CEP164: variants seen among roughly 807,000 people sequenced by gnomAD.
The protein encoded by CEP164 is centrosomal protein of 164 kDa.
CEP164 carries 162 observed loss-of-function variants against 182.7 expected under a neutral mutation model. The ratio of observed to expected loss-of-function variants is 0.89; its 90% CI spans 0.78 to 1.01. The LOEUF (loss-of-function observed/expected upper bound fraction) is 1.01, where lower values mean the gene tolerates loss of function less well. CEP164 is among the 50% of genes least tolerant of loss of function. The pLI is 0.00. For synonymous variants in CEP164, 661 were observed against 690.0 expected (o/e 0.96, Z 0.66); for missense variants, 1,735 against 1,790.4 (o/e 0.97, Z 0.56).
intron 3 of CEP164, among the ~76,000 whole-genome samples, chr11:117,340,173 G>T (rs749198193): frequency 7.9e-5 from 12 of 152,030 alleles, no homozygotes; most frequent in Non-Finnish European, 1.6e-4. Context: ...CTACAGATGC[G>T]TGCCACTGTG....
At chr11:117,395,413 A>T in intron 23 of CEP164, 134 bp from the exon 24 acceptor site, 1 of 1,090,474 alleles carries the variant, frequency 9.2e-7, no homozygotes, top group Non-Finnish European at 1.3e-6. Flanking sequence ...TTGACCTCAG[A>T]GGTGGTGACT....
intron 5 of CEP164, among the ~76,000 whole-genome samples, chr11:117,354,748 AT>A (rs1057302291): frequency 2.2e-4 from 33 of 147,962 alleles, no homozygotes; most frequent in Admixed American, 5.4e-4. Flanking sequence ...TTAAATTATT[AT>A]TTTTTTTTGC....
intron 12 of CEP164, 118 bp downstream of exon 12, chr11:117,380,823 A>G (rs900998850): frequency 6.9e-6 from 6 of 875,266 alleles, no homozygotes; most frequent in African/African-American, 1.7e-5. Flanking sequence ...GCAGCAGGTG[A>G]TGAACTGGCT....
At chr11:117,402,752 C>T (rs1307480637) in intron 27 of CEP164, among the ~76,000 whole-genome samples, 1 of 152,152 alleles carries the variant, frequency 6.6e-6, no homozygotes, top group Non-Finnish European at 1.5e-5. Context: ...GAGTTCAAGT[C>T]CTGAATATCC....
intron 10 of CEP164, among the ~76,000 whole-genome samples, chr11:117,375,106 T>C (rs1189404397): frequency 6.6e-6 from 1 of 152,208 alleles, no homozygotes; most frequent in Admixed American, 6.5e-5. Context: ...TGGAACGAGC[T>C]GGAAAGAGCC....
At position 117,411,769 on chromosome 11, in the gene CEP164, C is replaced by T. The variant is rs200646756; in HGVS notation, c.4164-26C>T. 5.7e-4 allele frequency: 913 copies of T among 1,613,522 alleles called. 3 individuals are homozygous for T. Among genetic ancestry groups the T allele is most frequent in the Non-Finnish European group, 6.7e-4 (792 of 1,179,772 alleles). ...CACTTCCGCGCCTCCTCTCTCCCCTCGCCATGCTCTCCTCTTCCTTCCCAG... is the reference window on the plus strand; with the variant it reads ...CACTTCCGCGCCTCCTCTCTCCCCTTGCCATGCTCTCCTCTTCCTTCCCAG... On this transcript the variant is annotated intron_variant, in intron 31 of 32. Transcript: ENST00000278935. This position sits in a 1 kb window ranked among gnomAD's most constrained non-coding sequence, Gnocchi z 4.4.
intron 9 of CEP164, among the ~76,000 whole-genome samples, chr11:117,373,166 C>T (rs575070331): frequency 3.3e-5 from 5 of 151,994 alleles, no homozygotes; most frequent in African/African-American, 1.2e-4. Flanking sequence ...GTCAGGAGTT[C>T]GAGATCACTG....
At chr11:117,369,387 G>A (rs1048400408) in intron 8 of CEP164, among the ~76,000 whole-genome samples, 5 of 152,208 alleles carry the variant, frequency 3.3e-5, no homozygotes, top group African/African-American at 4.8e-5. Context: ...ATCTGTAAGT[G>A]TGGAGCCAAA....
intron 4 of CEP164, among the ~76,000 whole-genome samples, chr11:117,347,492 C>T (rs544879244): frequency 2.6e-5 from 4 of 152,220 alleles, no homozygotes; most frequent in African/African-American, 4.8e-5. Flanking sequence ...GGGCGGATCA[C>T]TTGAGGTTGG....
chr11:117,383,111 A>C (rs1213886821), intron 14 of CEP164, among the ~76,000 whole-genome samples, 169 bp downstream of exon 14: 1 of 152,122 alleles, frequency 6.6e-6, no homozygotes, highest in African/African-American at 2.4e-5. Flanking sequence ...TGAGAGCCCC[A>C]CACAGGCATG....
chr11:117,363,507 GT>G lies in CEP164; in HGVS notation c.765+2del. Reference sequence around the variant, plus strand: ...ACTGGGGGGTGACTTTGAGTATGAGGTAAGAGCCCTAATCCCTACAGGCACA... The same window carrying G: ...ACTGGGGGGTGACTTTGAGTATGAGGAAGAGCCCTAATCCCTACAGGCACA... On this transcript the variant is annotated splice_donor_variant, in intron 8 of 32. Coordinates refer to ENST00000278935, the MANE Select transcript of CEP164 (RefSeq NM_014956.5). LOFTEE classifies it high-confidence loss of function. 1 of 1,610,360 alleles carries G rather than the reference GT, an allele frequency of 6.2e-7. No individual in the cohort carries two copies. The highest frequency in any genetic ancestry group is 8.5e-7 in the Non-Finnish European group (1 of 1,176,708).
chr11:117,412,262 C>T lies in CEP164; in HGVS notation c.*94C>T. On this transcript the variant is annotated 3_prime_UTR_variant, in exon 33 of 33. Transcript: ENST00000278935. ...TGCCTTCTTCCATCTGAGAAAGCAC[C>T]CTCCTTCCCCCTTTGACTTGCAGGA... 6 of 1,124,922 alleles carry T rather than the reference C, an allele frequency of 5.3e-6. No individual in the cohort carries two copies. Among genetic ancestry groups the T allele is most frequent in the Non-Finnish European group, 2.5e-6 (2 of 788,758 alleles). 69.7% of individuals were successfully genotyped at this position (1,124,922 alleles called of 1,614,324 possible). A position where few individuals can be genotyped will look rare whatever the true frequency, so the allele number is the denominator to read the frequency against.
chr11:117,358,192 C>T (rs1025138450), intron 5 of CEP164, among the ~76,000 whole-genome samples: 3 of 152,168 alleles, frequency 2.0e-5, no homozygotes, highest in Admixed American at 6.5e-5. Context: ...GTAAGTCTAT[C>T]TGCTCTGAAG....
chr11:117,383,080 T>A, intron 14 of CEP164, 138 bp downstream of exon 14: 1 of 998,406 alleles, frequency 1.0e-6, no homozygotes, highest in Non-Finnish European at 1.4e-6. Context: ...AAGCATATCC[T>A]TGGTGCTCTG....
In CEP164 at chr11:117,369,098, T is replaced by C. The variant is rs149983888; in HGVS notation, c.766-1982T>C. On this transcript the variant is annotated intron_variant, in intron 8 of 32. Coordinates refer to ENST00000278935, the MANE Select transcript of CEP164 (RefSeq NM_014956.5). ...TTAGCTCAATTCCTTGAGGGCAGGATCTATGGTTTGGCCATATTTGGATTC... is the reference window on the plus strand; with the variant it reads ...TTAGCTCAATTCCTTGAGGGCAGGACCTATGGTTTGGCCATATTTGGATTC... Among the ~76,000 whole-genome samples the C allele has an allele frequency of 1.4e-3, 215 of 152,326 alleles. 2 individuals are homozygous for C. Among genetic ancestry groups the C allele is most frequent in the Non-Finnish European group, 1.9e-3 (132 of 68,026 alleles).
intron 30 of CEP164, chr11:117,410,185 G>T: frequency 1.5e-6 from 1 of 663,268 alleles, no homozygotes; most frequent in Non-Finnish European, 2.7e-6. Flanking sequence ...GCAGCCAGGA[G>T]TTCTATGGGT....
At chr11:117,397,652 A>G (rs946312014) in intron 27 of CEP164, among the ~76,000 whole-genome samples, 1 of 152,198 alleles carries the variant, frequency 6.6e-6, no homozygotes, top group Non-Finnish European at 1.5e-5. Context: ...CACTTCTTAC[A>G]TGGTGGCAGC....
intron 27 of CEP164, among the ~76,000 whole-genome samples, chr11:117,406,697 T>C (rs2046714162): frequency 6.6e-6 from 1 of 152,226 alleles, no homozygotes; most frequent in South Asian, 2.1e-4. Context: ...TAATTTGCAA[T>C]GAAAAGGCAG....
chr11:117,404,388 A>G (rs1198136001), intron 27 of CEP164, among the ~76,000 whole-genome samples: 1 of 152,082 alleles, frequency 6.6e-6, no homozygotes, highest in Non-Finnish European at 1.5e-5. Flanking sequence ...TCTGTTTGTT[A>G]GTTTTCCTTC....
Sources: gnomAD v4.1 joint callset for allele counts (sites outside exome capture counted in the v4.1 genomes callset) on GRCh38, gnomAD v4.1.1 for gene constraint, Gnocchi (gnomAD v3.1) non-coding constraint, MANE v1.5 for transcripts, NCBI Gene and HGNC (gene_info 2026-07-23, HGNC 2026-07-21) for gene names.